The following MBD2 variants were observed in gnomAD, a reference collection of about 807,000 sequenced individuals.
MBD2 encodes the protein methyl-CpG-binding domain protein 2.
A neutral mutation model predicts 39.3 loss-of-function variants in MBD2; 9 were observed. The observed-to-expected ratio is 0.23, with a 90% CI of 0.14 to 0.40. MBD2 has a LOEUF of 0.40. MBD2 is among the 10% of genes least tolerant of loss of function. The probability of loss-of-function intolerance (pLI) is 1.00; values close to 1 mark genes in which losing one functional copy is unlikely to be tolerated. For synonymous variants in MBD2, 233 were observed against 211.1 expected (o/e 1.10, Z -0.90); for missense variants, 458 against 532.6 (o/e 0.86, Z 1.38).
intron 3 of MBD2, among the ~76,000 whole-genome samples, chr18:54,187,034 C>G (rs773856843): frequency 6.6e-6 from 1 of 152,158 alleles, no homozygotes; most frequent in Non-Finnish European, 1.5e-5. Context: ...TCTAAGTTAC[C>G]AATATCTCTA....
chr18:54,205,983 C>CACAA (rs2086447367), intron 1 of MBD2, among the ~76,000 whole-genome samples: 1 of 150,296 alleles, frequency 6.7e-6, no homozygotes, highest in Non-Finnish European at 1.5e-5. Context: ...CACACACACA[C>CACAA]AAATATGTGG....
At chr18:54,182,798 G>A (rs1037751193) in intron 3 of MBD2, among the ~76,000 whole-genome samples, 8 of 152,084 alleles carry the variant, frequency 5.3e-5, no homozygotes, top group African/African-American at 1.9e-4. Flanking sequence ...CAGGCATGGT[G>A]GTGTGCACCT....
intron 1 of MBD2, among the ~76,000 whole-genome samples, chr18:54,209,928 A>G (rs1301820166): frequency 6.6e-6 from 1 of 152,228 alleles, no homozygotes; most frequent in Non-Finnish European, 1.5e-5. Flanking sequence ...AGAAACACCA[A>G]GACTTAAAGT....
intron 2 of MBD2, among the ~76,000 whole-genome samples, chr18:54,191,144 G>C (rs2086317560): frequency 6.6e-6 from 1 of 152,130 alleles, no homozygotes; most frequent in Non-Finnish European, 1.5e-5. Flanking sequence ...CAGAACAGGG[G>C]TTCTCAAGCC....
At chr18:54,199,435 C>T (rs2086389621) in intron 2 of MBD2, among the ~76,000 whole-genome samples, 2 of 152,164 alleles carry the variant, frequency 1.3e-5, no homozygotes, top group Admixed American at 6.5e-5. Context: ...ATTCATGGAC[C>T]TACAGAGTGA....
chr18:54,200,252 A>C (rs1448564640), intron 2 of MBD2, among the ~76,000 whole-genome samples: 1 of 152,124 alleles, frequency 6.6e-6, no homozygotes, highest in Non-Finnish European at 1.5e-5. Flanking sequence ...CTAAAAAATA[A>C]TTTGTTCCAT....
At chr18:54,193,574 G>T (rs572216897) in intron 2 of MBD2, among the ~76,000 whole-genome samples, 103 of 152,084 alleles carry the variant, frequency 6.8e-4, no homozygotes, top group Non-Finnish European at 2.5e-4. Flanking sequence ...TCTCTTTCCA[G>T]TAAGTATCTG....
intron 1 of MBD2, among the ~76,000 whole-genome samples, chr18:54,221,543 G>A (rs566725694): frequency 2.0e-5 from 3 of 151,378 alleles, no homozygotes; most frequent in Admixed American, 1.3e-4. Context: ...AGCACTGGCC[G>A]AGGCAGGTGG....
At chr18:54,223,806 G>A (rs1369376670) in intron 1 of MBD2, among the ~76,000 whole-genome samples, 2 of 152,026 alleles carry the variant, frequency 1.3e-5, no homozygotes, top group African/African-American at 4.8e-5. Flanking sequence ...TTCCACATAA[G>A]ATGCCCTCCT....
chr18:54,176,527 G>C (rs1343710384), intron 3 of MBD2, among the ~76,000 whole-genome samples: 1 of 152,150 alleles, frequency 6.6e-6, no homozygotes, highest in Non-Finnish European at 1.5e-5. Context: ...GCAAAATCCA[G>C]AAAGTGTGTA....
rs1359067120 is a variant in MBD2 at position 54,153,082 on chromosome 18, T to G, written c.*2242A>C. 1 of 152,092 alleles carries G rather than the reference T, an allele frequency of 6.6e-6. No homozygotes were observed. Among genetic ancestry groups the G allele is most frequent in the Admixed American group, 6.6e-5 (1 of 15,256 alleles). The allele number at this position is 152,092 out of a possible 1,614,324, so 9.4% of individuals were successfully genotyped here. On this transcript the variant is annotated 3_prime_UTR_variant, in exon 7 of 7. Coordinates refer to ENST00000256429, the MANE Select transcript of MBD2 (RefSeq NM_003927.5). ...AGGGAAGGGGAAGAAAGTGGACAGG[T>G]GAGCAAAAAAGGAAGCCACTGAAAG...
intron 1 of MBD2, among the ~76,000 whole-genome samples, chr18:54,218,671 C>CAGTATGATA (rs2086582794): frequency 6.6e-6 from 1 of 152,092 alleles, no homozygotes; most frequent in South Asian, 2.1e-4. Flanking sequence ...TATAAGAATC[C>CAGTATGATA]AGTATGATAG....
chr18:54,155,672 T>C (rs1325567440), intron 6 of MBD2, among the ~76,000 whole-genome samples: 6 of 152,224 alleles, frequency 3.9e-5, no homozygotes, highest in African/African-American at 7.2e-5. Context: ...AATCCAAATA[T>C]ATTTTGAGAA....
intron 2 of MBD2, among the ~76,000 whole-genome samples, chr18:54,193,450 T>A (rs1345496458): frequency 6.6e-6 from 1 of 152,208 alleles, no homozygotes; most frequent in Non-Finnish European, 1.5e-5. Context: ...TAATACATTT[T>A]ATAATAATGT....
intron 2 of MBD2, among the ~76,000 whole-genome samples, chr18:54,202,017 T>C (rs935268308): frequency 2.6e-5 from 4 of 152,162 alleles, no homozygotes; most frequent in Non-Finnish European, 5.9e-5. Flanking sequence ...ATTTTGTCAA[T>C]TAAAGCTCTA....
At position 54,223,985 on chromosome 18, in the gene MBD2, C is replaced by T. The variant is rs747973887; in HGVS notation, c.542+33G>A. The T allele has an allele frequency of 3.4e-6, 5 of 1,479,382 alleles. No homozygotes were observed. In the Admixed American group the frequency reaches 8.8e-5, roughly 26 times the overall value. The allele number at this position is 1,479,382 out of a possible 1,614,324, so 91.6% of individuals were successfully genotyped here. A position where few individuals can be genotyped will look rare whatever the true frequency, so the allele number is the denominator to read the frequency against. On this transcript the variant is annotated intron_variant, in intron 1 of 6. Coordinates refer to ENST00000256429, the MANE Select transcript of MBD2 (RefSeq NM_003927.5). ...TCTTGACCCCTGACCCCGGCCTGAC[C>T]CCGCCACCCCCTCCCCGCCCCCAGG... is the stretch of plus-strand genomic sequence containing the variant.
intron 1 of MBD2, among the ~76,000 whole-genome samples, chr18:54,208,417 A>C (rs2144336240): frequency 6.6e-6 from 1 of 152,282 alleles, no homozygotes; most frequent in African/African-American, 2.4e-5. Context: ...GCTTGAACCC[A>C]GGAGACAGAC....
chr18:54,162,486 A>G (rs1172409716), intron 5 of MBD2, among the ~76,000 whole-genome samples: 1 of 152,212 alleles, frequency 6.6e-6, no homozygotes, highest in Admixed American at 6.5e-5. Flanking sequence ...ATTAAATCAA[A>G]TGAGCAATTT....
rs1047790549 is a variant in MBD2, at chr18:54,224,583, T to C, written c.-24A>G. The C allele has an allele frequency of 5.8e-6, 7 of 1,214,776 alleles. No homozygotes were observed. In the African/African-American group the frequency reaches 1.1e-4, roughly 19 times the overall value. The allele number at this position is 1,214,776 out of a possible 1,614,324, so 75.2% of individuals were successfully genotyped here. On this transcript the variant is annotated 5_prime_UTR_variant, in exon 1 of 7. Transcript: ENST00000256429. ...ATCCAGCCCCCTCCCCAGCCGGCGC[T>C]GCGCTTCTTCCGTAACCGAGCCCTT...
Sources: gnomAD v4.1 joint callset for allele counts (sites outside exome capture counted in the v4.1 genomes callset) on GRCh38, gnomAD v4.1.1 for gene constraint, MANE v1.5 for transcripts, NCBI Gene and HGNC (gene_info 2026-07-23, HGNC 2026-07-21) for gene names.